The following SLC24A2 variants were observed in gnomAD, a reference collection of about 807,000 sequenced individuals.
SLC24A2 encodes solute carrier family 24 member 2.
A neutral mutation model predicts 62.0 loss-of-function variants in SLC24A2; 36 were observed. The observed-to-expected ratio is 0.58, with a 90% confidence interval of 0.44 to 0.77. The LOEUF (loss-of-function observed/expected upper bound fraction) is 0.77, where lower values mean the gene tolerates loss of function less well. SLC24A2 is among the 30% of genes least tolerant of loss of function. The pLI is 0.00. For synonymous variants in SLC24A2, 358 were observed against 294.0 expected (o/e 1.22, Z -2.23); for missense variants, 846 against 817.9 (o/e 1.03, Z -0.42).
At chr9:19,542,417 T>G (rs1026969667) in intron 8 of SLC24A2, among the ~76,000 whole-genome samples, 2 of 152,190 alleles carry the variant, frequency 1.3e-5, no homozygotes, top group Admixed American at 1.3e-4. Flanking sequence ...TTTTCCTAAT[T>G]GAACACCCTT....
the SLC24A2 span, among the ~76,000 whole-genome samples, chr9:19,875,297 C>G: frequency 1.3e-5 from 2 of 152,180 alleles, no homozygotes; most frequent in East Asian, 1.9e-4. Flanking sequence ...TTTAATTTTG[C>G]TCTCATTTCT....
At chr9:20,088,516 C>T in the SLC24A2 span, among the ~76,000 whole-genome samples, 1 of 152,176 alleles carries the variant, frequency 6.6e-6, no homozygotes, top group Admixed American at 6.5e-5. Flanking sequence ...CTACAACCAT[C>T]CCCACCAGGG....
chr9:20,279,564 T>C, the SLC24A2 span, among the ~76,000 whole-genome samples: 1 of 152,146 alleles, frequency 6.6e-6, no homozygotes, highest in African/African-American at 2.4e-5. Flanking sequence ...ATAAAGGCTA[T>C]TTTTTAAAAA....
the SLC24A2 span, among the ~76,000 whole-genome samples, chr9:19,809,016 T>C: frequency 1.3e-5 from 2 of 152,344 alleles, 1 homozygote; most frequent in African/African-American, 4.8e-5. Flanking sequence ...AGATTGAGGT[T>C]CTGAATCTTA....
chr9:19,625,965 G>A (rs1337991968), intron 2 of SLC24A2, among the ~76,000 whole-genome samples: 2 of 152,012 alleles, frequency 1.3e-5, no homozygotes, highest in Non-Finnish European at 2.9e-5. Context: ...GGGATTACAA[G>A]TGTGAGCCAC....
the SLC24A2 span, among the ~76,000 whole-genome samples, chr9:20,107,204 G>A: frequency 2.6e-5 from 4 of 152,026 alleles, no homozygotes; most frequent in African/African-American, 9.7e-5. Context: ...AGGATACAAA[G>A]AAATGGAAGA....
the SLC24A2 span, among the ~76,000 whole-genome samples, chr9:20,293,036 C>G: frequency 2.0e-5 from 3 of 152,208 alleles, no homozygotes; most frequent in African/African-American, 7.2e-5. Flanking sequence ...CTTGGCTTGT[C>G]ACTGCATAAC....
At chr9:19,517,159 C>G (rs1469160938) in intron 10 of SLC24A2, among the ~76,000 whole-genome samples, 2 of 152,144 alleles carry the variant, frequency 1.3e-5, no homozygotes, top group Non-Finnish European at 2.9e-5. Context: ...CTCAGGAGAG[C>G]TAGTTTCCAC....
chr9:19,820,238 G>C, the SLC24A2 span, among the ~76,000 whole-genome samples: 1 of 150,144 alleles, frequency 6.7e-6, no homozygotes, highest in Non-Finnish European at 1.5e-5. Flanking sequence ...TAAGCTGTGA[G>C]GACGCAAAGG....
At chr9:19,916,120 A>T in the SLC24A2 span, among the ~76,000 whole-genome samples, 1 of 152,034 alleles carries the variant, frequency 6.6e-6, no homozygotes, top group East Asian at 1.9e-4. Flanking sequence ...CACTCTTTGC[A>T]TGTGAATATT....
chr9:20,202,094 T>TG, the SLC24A2 span, among the ~76,000 whole-genome samples: 1 of 146,696 alleles, frequency 6.8e-6, no homozygotes, highest in Admixed American at 6.8e-5. Flanking sequence ...TGTGTGTGTG[T>TG]TCACACTCTA....
intron 2 of SLC24A2, among the ~76,000 whole-genome samples, chr9:19,769,073 A>G (rs1345629260): frequency 6.6e-6 from 1 of 152,060 alleles, no homozygotes; most frequent in Non-Finnish European, 1.5e-5. Flanking sequence ...CTCCATTTCA[A>G]TGTTCAAGTT....
chr9:19,669,907 C>T (rs926739008), intron 2 of SLC24A2, among the ~76,000 whole-genome samples: 9 of 152,308 alleles, frequency 5.9e-5, no homozygotes, highest in South Asian at 2.1e-4. Flanking sequence ...GGACATCTTT[C>T]GGGGCCATCA....
At chr9:19,567,689 C>CTA (rs1491118019) in intron 7 of SLC24A2, among the ~76,000 whole-genome samples, 513 of 41,568 alleles carry the variant, frequency 0.012, 5 homozygotes, top group South Asian at 0.095. Context: ...TTTAAAATAA[C>CTA]CAAAAAAAAA....
intron 6 of SLC24A2, 131 bp downstream of exon 6, chr9:19,576,793 G>T: frequency 1.4e-6 from 1 of 738,364 alleles, no homozygotes; most frequent in Non-Finnish European, 2.4e-6. Context: ...ATTTCCTGTT[G>T]CACAGGGAAG....
the SLC24A2 span, among the ~76,000 whole-genome samples, chr9:20,245,703 C>T: frequency 6.6e-5 from 10 of 151,912 alleles, no homozygotes; most frequent in Non-Finnish European, 1.0e-4. Flanking sequence ...ATGCAGGGAG[C>T]GATAAAGTCA....
At chr9:20,304,651 T>G in the SLC24A2 span, among the ~76,000 whole-genome samples, 1 of 152,130 alleles carries the variant, frequency 6.6e-6, no homozygotes, top group Non-Finnish European at 1.5e-5. Flanking sequence ...TATAGGTAAA[T>G]TACTCTTGAT....
chr9:20,177,150 T>A, the SLC24A2 span, among the ~76,000 whole-genome samples: 1 of 152,148 alleles, frequency 6.6e-6, no homozygotes, highest in Non-Finnish European at 1.5e-5. Context: ...CTTTTACTTA[T>A]TATCTTTATT....
intron 8 of SLC24A2, among the ~76,000 whole-genome samples, chr9:19,540,387 T>G (rs1208104803): frequency 6.1e-5 from 9 of 146,376 alleles, no homozygotes; most frequent in Non-Finnish European, 9.0e-5. Flanking sequence ...AGGAGCTCTT[T>G]TAGGGCAGGC....
Sources: allele counts gnomAD v4.1 joint callset (sites outside exome capture counted in the v4.1 genomes callset), GRCh38; gene constraint gnomAD v4.1.1; transcripts MANE v1.5; gene names NCBI Gene and HGNC (gene_info 2026-07-23, HGNC 2026-07-21).